Variants in DLL3 observed in about 807,000 individuals in gnomAD.
The protein encoded by DLL3 is delta-like protein 3.
In DLL3, 49 loss-of-function variants were observed where a neutral mutation model predicts 55.0. That is an observed-to-expected ratio of 0.89 (90% CI 0.71 to 1.13). The LOEUF (loss-of-function observed/expected upper bound fraction) is 1.13. Among genes scored for constraint, DLL3 ranks in the 50% most tolerant of loss-of-function variants. DLL3 has a pLI of 0.00. For synonymous variants in DLL3, 421 were observed against 385.2 expected, an observed-to-expected ratio of 1.09 and a Z score of -1.09; for missense variants, 962 against 875.5, an observed-to-expected ratio of 1.10 and a Z score of -1.25.
chr19:39,507,854 T>C lies in DLL3; in HGVS notation c.1698T>C (p.Pro566=). The change falls in exon 8 of 9, where the codon CCT becomes CCC. Residue 566 remains proline, a synonymous_variant. Transcript: ENST00000356433. ...GCTCGTCCGTAGATTGGAATCGCCC[T>C]GAAGATGTAGACCCTCAAGGGATTT... ...GPSSSVDWNR[P]EDVDPQGIYV... 2 of 1,614,168 alleles carry C rather than the reference T, an allele frequency of 1.2e-6. No individual in the cohort carries two copies. Among genetic ancestry groups the C allele is most frequent in the Non-Finnish European group, 1.7e-6 (2 of 1,180,038 alleles).
At position 39,507,081 on chromosome 19, in the gene DLL3, G is replaced by T; in HGVS notation, c.1136G>T (p.Cys379Phe). 1 of 1,543,058 alleles carries T rather than the reference G, an allele frequency of 6.5e-7. No homozygotes were observed. Among genetic ancestry groups the T allele is most frequent in the Non-Finnish European group, 8.7e-7 (1 of 1,151,512 alleles). Reference sequence around the variant, plus strand: ...CTGGGCCACGCCCTGCGCTGCCGCTGCCGCGCCGGCTTCGCGGGTCCTCGC... The same window carrying T: ...CTGGGCCACGCCCTGCGCTGCCGCTTCCGCGCCGGCTTCGCGGGTCCTCGC... Reference protein sequence around the residue: ...LDLGHALRCRCRAGFAGPRCE... With the variant: ...LDLGHALRCRFRAGFAGPRCE... The change falls in exon 7 of 9, where the codon TGC (cysteine) becomes TTC (phenylalanine). Residue 379 changes from cysteine to phenylalanine, a missense_variant. Cys to Phe is a radical substitution (Grantham distance 205). Transcript: ENST00000356433.
In DLL3 at chr19:39,499,490, G is replaced by C. The variant is rs199763402; in HGVS notation, c.351+17G>C. On this transcript the variant is annotated intron_variant, in intron 2 of 8. Coordinates refer to ENST00000356433, the MANE Select transcript of DLL3 (RefSeq NM_203486.3). ...GCCTGGCCTGTAAGTGCTGCCCCCG[G>C]GGGACTCCCGGTGCTGGAGGCCTAA... The C allele has an allele frequency of 5.9e-4, 926 of 1,579,322 alleles. 1 individual carries two copies. Among genetic ancestry groups the C allele is most frequent in the Non-Finnish European group, 5.0e-4 (580 of 1,170,354 alleles).
At chr19:39,508,201 G>GGGAGGCAGA in intron 8 of DLL3, 51 bp from the exon 9 acceptor site, 1 of 1,614,082 alleles carries the variant, frequency 6.2e-7, no homozygotes, top group Non-Finnish European at 8.5e-7. Context: ...GGGGAGGCAG[G>GGGAGGCAGA]GGAGGCAGAG....
Position 39,498,988 on chromosome 19 carries a change from G to C in DLL3, c.14G>C (p.Arg5Pro). The C allele has an allele frequency of 6.2e-7, 1 of 1,613,954 alleles. No individual in the cohort carries two copies. Residue 5 changes from arginine (R) to proline (P), a missense_variant, in exon 1 of 9, where the codon CGG becomes CCG. Coordinates refer to ENST00000356433, the MANE Select transcript of DLL3 (RefSeq NM_203486.3). ...CACCAGAAGGCCATGGTCTCCCCACGGATGTCCGGGCTCCTCTCCCAGACT... is the reference window on the plus strand; with the variant it reads ...CACCAGAAGGCCATGGTCTCCCCACCGATGTCCGGGCTCCTCTCCCAGACT... MVSP[R>P]MSGLLSQTVI...
At chr19:39,502,760 G>A (rs2079616507) in intron 3 of DLL3, 55 bp from the exon 4 acceptor site, 1 of 1,313,416 alleles carries the variant, frequency 7.6e-7, no homozygotes, top group Non-Finnish European at 9.7e-7. Context: ...CGCTCCGTAT[G>A]CATCCATGTT....
intron 3 of DLL3, among the ~76,000 whole-genome samples, 166 bp downstream of exon 3, chr19:39,500,838 G>T (rs2079605810): frequency 7.2e-6 from 1 of 139,446 alleles, no homozygotes; most frequent in Admixed American, 7.2e-5. Context: ...AAATGTCCCT[G>T]GTACTGGATG....
chr19:39,507,009 C>T (rs1461631131), intron 6 of DLL3, 30 bp from the exon 7 acceptor site: 2 of 1,531,024 alleles, frequency 1.3e-6, no homozygotes, highest in Non-Finnish European at 1.7e-6. Flanking sequence ...GGCTCCCGGA[C>T]TGCGCCCTCT....
intron 3 of DLL3, among the ~76,000 whole-genome samples, chr19:39,501,912 G>A (rs928169890): frequency 2.0e-5 from 3 of 152,142 alleles, no homozygotes; most frequent in Non-Finnish European, 4.4e-5. Flanking sequence ...AAGGCCCGGC[G>A]CGGTGGCTCA....
chr19:39,505,135 G>A, intron 5 of DLL3, 94 bp from the exon 6 acceptor site: 1 of 1,337,030 alleles, frequency 7.5e-7, no homozygotes, highest in Non-Finnish European at 1.1e-6. Flanking sequence ...CTTGAGACTG[G>A]ACAAGGAGCA....
Position 39,507,262 on chromosome 19 carries a change from T to C in DLL3, c.1317T>C (p.Ala439=). ...ACCCGTGCGCCGCGCGCCCCTGTGC[T>C]CACGGCGGCCGCTGCTACGCCCACT... ...RADPCAARPC[A]HGGRCYAHFS... is the part of the protein sequence containing the mutation. The change falls in exon 7 of 9, where the codon GCT becomes GCC. Residue 439 remains alanine, a synonymous_variant. Transcript: ENST00000356433. 3.3e-6 allele frequency: 5 copies of C among 1,529,196 alleles called. No individual in the cohort carries two copies. The highest frequency in any genetic ancestry group is 4.4e-6 in the Non-Finnish European group (5 of 1,144,384). 94.7% of individuals were successfully genotyped at this position (1,529,196 alleles called of 1,614,324 possible). A position where few individuals can be genotyped will look rare whatever the true frequency, so the allele number is the denominator to read the frequency against.
In DLL3 at chr19:39,499,025, G is replaced by C; in HGVS notation, c.51G>C (p.Ala17=). 6.2e-7 allele frequency: 1 copy of C among 1,614,064 alleles called. No homozygotes were observed. The highest frequency in any genetic ancestry group is 1.1e-5 in the South Asian group (1 of 91,078). Residue 17 remains alanine, a synonymous_variant, in exon 1 of 9, where the codon GCG becomes GCC. Transcript: ENST00000356433. ...SGLLSQTVIL[A]LIFLPQTRPA... is the part of the protein sequence containing the mutation. The stretch of plus-strand genomic sequence containing the variant: ...TCCTCTCCCAGACTGTGATCCTAGC[G>C]CTCATTTTCCTCCCCCAGGTCAGAG...
chr19:39,502,296 G>C (rs2079614117), intron 3 of DLL3, among the ~76,000 whole-genome samples: 1 of 151,824 alleles, frequency 6.6e-6, no homozygotes, highest in Admixed American at 6.6e-5. Flanking sequence ...AGGGAGTCTT[G>C]CTCTGTCACC....
At chr19:39,505,531 C>T (rs189451637) in intron 6 of DLL3, 80 bp downstream of exon 6, 3 of 1,519,968 alleles carry the variant, frequency 2.0e-6, no homozygotes, top group African/African-American at 2.7e-5. Context: ...GGAATCCTGG[C>T]TTTGACTCTT....
intron 3 of DLL3, 82 bp downstream of exon 3, chr19:39,500,754 A>C: frequency 8.1e-7 from 1 of 1,234,084 alleles, no homozygotes. Context: ...TATAGGTCTT[A>C]TGATGTCATC....
intron 2 of DLL3, among the ~76,000 whole-genome samples, 197 bp from the exon 3 acceptor site, chr19:39,500,418 T>TCCC (rs1358700727): frequency 1.9e-5 from 2 of 106,736 alleles, no homozygotes; most frequent in Admixed American, 9.8e-5. Flanking sequence ...AAAGTGAGAT[T>TCCC]CTCCCCCCCC....
At chr19:39,505,540 T>C (rs1396513743) in intron 6 of DLL3, 89 bp downstream of exon 6, 2 of 1,476,952 alleles carry the variant, frequency 1.4e-6, no homozygotes, top group Non-Finnish European at 1.9e-6. Flanking sequence ...GCTTTGACTC[T>C]TCTAACCCTA....
At chr19:39,501,570 C>T (rs2079609790) in intron 3 of DLL3, among the ~76,000 whole-genome samples, 1 of 152,184 alleles carries the variant, frequency 6.6e-6, no homozygotes, top group South Asian at 2.1e-4. Flanking sequence ...AATCCACAGG[C>T]TTTGGCTTCC....
At chr19:39,499,710 C>T (rs1054796417) in intron 2 of DLL3, among the ~76,000 whole-genome samples, 1 of 152,186 alleles carries the variant, frequency 6.6e-6, no homozygotes, top group Non-Finnish European at 1.5e-5. Context: ...ACCCCAAATT[C>T]CCAGAATTTC....
At chr19:39,507,996 A>C (rs1330209504) in intron 8 of DLL3, 82 bp downstream of exon 8, 1 of 1,613,482 alleles carries the variant, frequency 6.2e-7, no homozygotes, top group South Asian at 1.1e-5. Flanking sequence ...CCCTTCCTCG[A>C]TTCTGTCCGT....
Sources: gnomAD v4.1 joint callset for allele counts (sites outside exome capture counted in the v4.1 genomes callset) on GRCh38, gnomAD v4.1.1 for gene constraint, MANE v1.5 for transcripts, NCBI Gene and HGNC (gene_info 2026-07-23, HGNC 2026-07-21) for gene names.